The following NCOA2 variants were observed in gnomAD, a reference collection of about 807,000 sequenced individuals.
NCOA2 encodes nuclear receptor coactivator 2, also known as class E basic helix-loop-helix protein 75.
A neutral mutation model predicts 145.1 loss-of-function variants in NCOA2; 21 were observed. The observed-to-expected ratio is 0.14, with a 90% CI of 0.10 to 0.21. The LOEUF (loss-of-function observed/expected upper bound fraction) is 0.21, where lower values mean the gene tolerates loss of function less well. NCOA2 is among the 10% of genes least tolerant of loss of function. The pLI, the probability that NCOA2 is intolerant of heterozygous loss-of-function variation, is 1.00. For synonymous variants in NCOA2, 619 were observed against 637.5 expected, an observed-to-expected ratio of 0.97 and a Z score of 0.44; for missense variants, 1,472 against 1,837.6, an observed-to-expected ratio of 0.80 and a Z score of 3.64.
Position 70,302,771 on chromosome 8 carries a change from TAG to T in NCOA2, c.-76-5973_-76-5972del, listed in dbSNP as rs1443400641. Among the ~76,000 whole-genome samples the T allele has an allele frequency of 3.9e-5, 6 of 152,158 alleles. No homozygotes were observed. The East Asian group carries it at 1.2e-3, about 29-fold the overall frequency. On this transcript the variant is annotated intron_variant, in intron 1 of 22. Transcript: ENST00000452400. ...TACAATTAGTCATAAGTTAAACAAGTAGAGATTTAGATATACAATTTAATAAA... is the reference window on the plus strand; with the variant it reads ...TACAATTAGTCATAAGTTAAACAAGTAGATTTAGATATACAATTTAATAAA...
At chr8:70,208,861 T>C (rs1354874399) in intron 4 of NCOA2, among the ~76,000 whole-genome samples, 2 of 152,238 alleles carry the variant, frequency 1.3e-5, no homozygotes, top group Non-Finnish European at 2.9e-5. Context: ...GTGATGAAGA[T>C]GTACAAGGCC....
Position 70,144,911 on chromosome 8 carries a change from T to C in NCOA2, c.2606-63A>G, listed in dbSNP as rs571585609. ...GGATAATGGAAAATAATATTAACAG[T>C]AGTGTTTAGGGACAATGTCTGTAAA... On this transcript the variant is annotated intron_variant, in intron 12 of 22. Coordinates refer to ENST00000452400, the MANE Select transcript of NCOA2 (RefSeq NM_006540.4). 51 of 1,410,636 alleles carry C rather than the reference T, an allele frequency of 3.6e-5. No homozygotes were observed. In the Admixed American group the frequency reaches 8.3e-4, roughly 23 times the overall value. The allele number at this position is 1,410,636 out of a possible 1,614,324, so 87.4% of individuals were successfully genotyped here. A position where few individuals can be genotyped will look rare whatever the true frequency, so the allele number is the denominator to read the frequency against.
Position 70,169,679 on chromosome 8 carries a change from G to A in NCOA2, c.541+523C>T, listed in dbSNP as rs561755538. On this transcript the variant is annotated intron_variant, in intron 6 of 22. Coordinates refer to ENST00000452400, the MANE Select transcript of NCOA2 (RefSeq NM_006540.4). ...GGGATAAATACCCCATCTCCATGAT[G>A]TGACTATTTCACACTGCATGTCTGT... is the stretch of plus-strand genomic sequence containing the variant. Among the ~76,000 whole-genome samples, 4 of 152,124 alleles carry A rather than the reference G, an allele frequency of 2.6e-5. No individual in the cohort carries two copies. The South Asian group carries it at 8.3e-4, about 32-fold the overall frequency.
chr8:70,127,890 T>C (rs1808620125), intron 18 of NCOA2, among the ~76,000 whole-genome samples: 2 of 152,168 alleles, frequency 1.3e-5, no homozygotes, highest in Non-Finnish European at 2.9e-5. Context: ...GGTGCCAAGA[T>C]TTTTGCATTT....
intron 1 of NCOA2, among the ~76,000 whole-genome samples, chr8:70,390,505 A>G (rs1429049406): frequency 6.6e-6 from 1 of 151,950 alleles, no homozygotes; most frequent in Non-Finnish European, 1.5e-5. Context: ...AGTGCCTCAC[A>G]CCTATAATCC....
chr8:70,271,799 C>T (rs1825068220), intron 2 of NCOA2, among the ~76,000 whole-genome samples: 1 of 152,224 alleles, frequency 6.6e-6, no homozygotes, highest in Admixed American at 6.5e-5. Context: ...TGCCTACATA[C>T]TTGCCCTCAA....
At chr8:70,428,289 CA>C in the NCOA2 span, among the ~76,000 whole-genome samples, 247 of 129,294 alleles carry the variant, frequency 1.9e-3, no homozygotes, top group African/African-American at 2.1e-3. Context: ...CCTGTCTCTA[CA>C]AAAAAAAAAA....
intron 5 of NCOA2, among the ~76,000 whole-genome samples, chr8:70,170,964 T>A (rs937789648): frequency 8.5e-5 from 13 of 152,140 alleles, no homozygotes; most frequent in African/African-American, 2.9e-4. Flanking sequence ...TGGGAAAGGG[T>A]CTCGGAAGTG....
At chr8:70,131,254 C>G (rs1206961108) in intron 16 of NCOA2, among the ~76,000 whole-genome samples, 1 of 152,058 alleles carries the variant, frequency 6.6e-6, no homozygotes, top group Non-Finnish European at 1.5e-5. Context: ...TTTTCACAGG[C>G]ACAGTCAGTG....
intron 2 of NCOA2, among the ~76,000 whole-genome samples, chr8:70,227,831 A>G (rs537671245): frequency 3.7e-4 from 57 of 152,194 alleles, no homozygotes; most frequent in African/African-American, 1.3e-3. Context: ...GCTGGCCAAC[A>G]TGGTGAAACC....
At chr8:70,191,824 TG>T (rs1160474667) in intron 4 of NCOA2, among the ~76,000 whole-genome samples, 4 of 152,150 alleles carry the variant, frequency 2.6e-5, no homozygotes, top group African/African-American at 9.7e-5. Flanking sequence ...GTGGATCACC[TG>T]AGCTCAGGAG....
chr8:70,419,148 C>G, the NCOA2 span, among the ~76,000 whole-genome samples: 2 of 150,864 alleles, frequency 1.3e-5, no homozygotes, highest in Admixed American at 6.6e-5. Context: ...TTGAACAAAC[C>G]CTCCCAGTGT....
intron 1 of NCOA2, among the ~76,000 whole-genome samples, chr8:70,346,090 A>C (rs1808608110): frequency 6.6e-6 from 1 of 152,224 alleles, no homozygotes; most frequent in Non-Finnish European, 1.5e-5. Context: ...TGTGTTCACA[A>C]ACAGTACTTG....
chr8:70,339,066 T>A (rs1005899648), intron 1 of NCOA2, among the ~76,000 whole-genome samples: 10 of 152,180 alleles, frequency 6.6e-5, no homozygotes, highest in Admixed American at 5.9e-4. Flanking sequence ...TTATGCATAG[T>A]ACTGGAAGTT....
intron 1 of NCOA2, among the ~76,000 whole-genome samples, chr8:70,352,993 T>C (rs1362038546): frequency 6.6e-6 from 1 of 152,196 alleles, no homozygotes; most frequent in Non-Finnish European, 1.5e-5. Flanking sequence ...TATGCTTTAG[T>C]ACATTCTCAT....
At chr8:70,416,802 A>C in the NCOA2 span, among the ~76,000 whole-genome samples, 1 of 151,968 alleles carries the variant, frequency 6.6e-6, no homozygotes, top group African/African-American at 2.4e-5. Flanking sequence ...TTTATAATGA[A>C]CCACTCTTGC....
chr8:70,199,095 G>C (rs920887309), intron 4 of NCOA2, among the ~76,000 whole-genome samples: 5 of 152,036 alleles, frequency 3.3e-5, no homozygotes. Context: ...AAGAAGAAAG[G>C]GCCAAGGTTT....
intron 1 of NCOA2, among the ~76,000 whole-genome samples, chr8:70,376,113 A>G (rs1811644217): frequency 6.6e-6 from 1 of 152,166 alleles, no homozygotes; most frequent in Non-Finnish European, 1.5e-5. Flanking sequence ...ACCAGTAGTA[A>G]AGAAGACATA....
intron 2 of NCOA2, among the ~76,000 whole-genome samples, chr8:70,257,880 C>CAAA (rs555764379): frequency 2.2e-5 from 3 of 137,440 alleles, no homozygotes; most frequent in African/African-American, 8.0e-5. Flanking sequence ...GCAACAACAG[C>CAAA]AAAAAAAAAA....
Sources: allele counts gnomAD v4.1 joint callset (sites outside exome capture counted in the v4.1 genomes callset), GRCh38; gene constraint gnomAD v4.1.1; transcripts MANE v1.5; gene names NCBI Gene and HGNC (gene_info 2026-07-23, HGNC 2026-07-21).